The following HDGFL2 variants were observed in gnomAD, a reference collection of about 807,000 sequenced individuals.
HDGFL2 encodes hepatoma-derived growth factor-related protein 2.
In HDGFL2, 36 loss-of-function variants were observed where a neutral mutation model predicts 77.1. That is an observed-to-expected ratio of 0.47 (90% confidence interval 0.36 to 0.62). The LOEUF (loss-of-function observed/expected upper bound fraction) is 0.62. HDGFL2 is among the 20% of genes least tolerant of loss of function. HDGFL2 has a pLI of 0.00. For synonymous variants in HDGFL2, 463 were observed against 413.1 expected, an observed-to-expected ratio of 1.12 and a Z score of -1.46; for missense variants, 976 against 973.4, an observed-to-expected ratio of 1.00 and a Z score of -0.04.
chr19:4,498,131 T>A, intron 11 of HDGFL2, 100 bp downstream of exon 11: 1 of 1,251,942 alleles, frequency 8.0e-7, no homozygotes, highest in Non-Finnish European at 1.1e-6. Context: ...CTAGAGAGGG[T>A]GCTCAGCACA....
intron 7 of HDGFL2, 44 bp downstream of exon 7, chr19:4,493,906 G>C: frequency 6.6e-7 from 1 of 1,520,352 alleles, no homozygotes; most frequent in Non-Finnish European, 8.9e-7. Context: ...GGCCCCTGCC[G>C]GGGCGCTCCC....
chr19:4,490,863 G>A (rs1975488218), intron 4 of HDGFL2, among the ~76,000 whole-genome samples: 1 of 151,322 alleles, frequency 6.6e-6, no homozygotes, highest in Non-Finnish European at 1.5e-5. Flanking sequence ...CCAGGCTGGA[G>A]TGTGATGGCG....
intron 3 of HDGFL2, among the ~76,000 whole-genome samples, chr19:4,487,599 C>T (rs1156353124): frequency 6.6e-6 from 1 of 152,182 alleles, no homozygotes; most frequent in Non-Finnish European, 1.5e-5. Context: ...TTTCTTCCTG[C>T]CTGTCACCAC....
rs753513110 is a variant in HDGFL2 at position 4,488,664 on chromosome 19, C to T, written c.289-12C>T. The T allele has an allele frequency of 4.7e-5, 73 of 1,538,310 alleles. No individual in the cohort carries two copies. Among genetic ancestry groups the T allele is most frequent in the Admixed American group, 5.9e-5 (3 of 50,924 alleles). ...TGGTGGTGACGCGCGTTCTCTGCCC[C>T]GACTCCCACAGCCAGTGAGCTCCTC... On this transcript the variant is annotated splice_polypyrimidine_tract_variant and intron_variant, in intron 3 of 15. Coordinates refer to ENST00000616600, the MANE Select transcript of HDGFL2 (RefSeq NM_001001520.3).
intron 3 of HDGFL2, among the ~76,000 whole-genome samples, chr19:4,484,423 C>T (rs542480691): frequency 2.8e-4 from 43 of 152,150 alleles, no homozygotes; most frequent in Middle Eastern, 3.4e-3. Context: ...GATAACTTCA[C>T]CATTTTAATC....
chr19:4,474,368 A>G (rs1262509512), intron 1 of HDGFL2, among the ~76,000 whole-genome samples: 1 of 152,010 alleles, frequency 6.6e-6, no homozygotes, highest in African/African-American at 2.4e-5. Context: ...CCTCGGGTGG[A>G]CTGAATTTAG....
chr19:4,501,200 C>A lies in HDGFL2; in HGVS notation c.1799C>A (p.Ala600Asp). 6.2e-7 allele frequency: 1 copy of A among 1,613,342 alleles called. No individual in the cohort carries two copies. Among genetic ancestry groups the A allele is most frequent in the Non-Finnish European group, 8.5e-7 (1 of 1,179,892 alleles). Residue 600 changes from alanine (A) to aspartate (D), a missense_variant, in exon 15 of 16, where the codon GCC becomes GAC. By Grantham distance (126) the Ala-to-Asp change is moderately radical. This residue lies in a region of HDGFL2 where 229 missense variants were observed against 187.3 expected (regional missense o/e 1.22). Transcript: ENST00000616600. The stretch of plus-strand genomic sequence containing the variant: ...CCTCTGTCCCACCCAGATCTCTCAG[C>A]CCCAGTGAATGGCGAGGCCACATCA... ...AEDKPSTDLSAPVNGEATSQK... is the reference protein window; with the variant it reads ...AEDKPSTDLSDPVNGEATSQK...
chr19:4,493,804 CT>C lies in HDGFL2; in HGVS notation c.781del (p.Ser261ProfsTer10). On this transcript the variant is annotated frameshift_variant, in exon 7 of 16. Coordinates refer to ENST00000616600, the MANE Select transcript of HDGFL2 (RefSeq NM_001001520.3). LOFTEE classifies it high-confidence loss of function. Reference protein sequence around the residue: ...ARSASSSSSSSSSSDSDVSVK... With the variant: ...ARSASSSSSSXSSSDSDVSVK... ...GGTCGGCGTCCTCCTCCTCCTCTTC[CT>C]CCTCCTCCTCCGACTCCGATGTGTC... 1 of 1,481,898 alleles carries C rather than the reference CT, an allele frequency of 6.7e-7. No individual in the cohort carries two copies. The highest frequency in any genetic ancestry group is 9.1e-7 in the Non-Finnish European group (1 of 1,101,610). The allele number at this position is 1,481,898 out of a possible 1,614,324, so 91.8% of individuals were successfully genotyped here. A position where few individuals can be genotyped will look rare whatever the true frequency, so the allele number is the denominator to read the frequency against.
intron 6 of HDGFL2, among the ~76,000 whole-genome samples, chr19:4,492,208 CGT>C (rs913786759): frequency 6.6e-6 from 1 of 151,870 alleles, no homozygotes; most frequent in Non-Finnish European, 1.5e-5. Flanking sequence ...TCTCTGTGCA[CGT>C]GTGTCGACGT....
intron 6 of HDGFL2, among the ~76,000 whole-genome samples, chr19:4,492,663 GTGTC>G (rs1313985661): frequency 7.3e-5 from 11 of 151,568 alleles, no homozygotes; most frequent in Non-Finnish European, 1.5e-4. Flanking sequence ...TGTGGTGTGT[GTGTC>G]TGGTATGTGT....
At chr19:4,490,740 T>C (rs563691116) in intron 4 of HDGFL2, among the ~76,000 whole-genome samples, 46 of 152,224 alleles carry the variant, frequency 3.0e-4, no homozygotes, top group East Asian at 3.9e-4. Context: ...ACAGAGAGAA[T>C]TTGGAAAAAA....
chr19:4,489,702 T>TG (rs1429520780), intron 4 of HDGFL2, among the ~76,000 whole-genome samples: 1 of 152,170 alleles, frequency 6.6e-6, no homozygotes, highest in East Asian at 1.9e-4. Flanking sequence ...GTGCCTGGCC[T>TG]GGTCCCTTTC....
intron 12 of HDGFL2, among the ~76,000 whole-genome samples, 158 bp downstream of exon 12, chr19:4,498,534 C>G (rs576321927): frequency 6.6e-6 from 1 of 152,320 alleles, no homozygotes; most frequent in South Asian, 2.1e-4. Flanking sequence ...GGTCTCCTGG[C>G]CAAGGGCCCT....
intron 1 of HDGFL2, among the ~76,000 whole-genome samples, chr19:4,473,566 GC>G (rs1974998343): frequency 6.6e-6 from 1 of 151,740 alleles, no homozygotes; most frequent in South Asian, 2.1e-4. Context: ...TCCTGGAGAA[GC>G]CCAGTTTTGA....
At chr19:4,474,985 C>T (rs1220099647) in intron 1 of HDGFL2, 4 of 387,018 alleles carry the variant, frequency 1.0e-5, no homozygotes, top group Non-Finnish European at 1.9e-5. Context: ...CTGAGCTTGG[C>T]CCCACCCCCT....
intron 1 of HDGFL2, among the ~76,000 whole-genome samples, chr19:4,473,201 C>T (rs1238754640): frequency 9.5e-5 from 13 of 137,214 alleles, no homozygotes; most frequent in African/African-American, 3.4e-4. Flanking sequence ...GGAGCTGCGC[C>T]GTGGGGATCT....
At chr19:4,500,630 T>C (rs1222237522) in intron 14 of HDGFL2, among the ~76,000 whole-genome samples, 2 of 151,974 alleles carry the variant, frequency 1.3e-5, no homozygotes, top group Non-Finnish European at 2.9e-5. Flanking sequence ...CAGGCTAATA[T>C]TTTGTATTTT....
Position 4,498,311 on chromosome 19 carries a change from T to A in HDGFL2, c.1408T>A (p.Ser470Thr). Residue 470 changes from serine (S) to threonine (T), a missense_variant, in exon 12 of 16, where the codon TCC becomes ACC. This residue lies in a region of HDGFL2 where 567 missense variants were observed against 534.7 expected (regional missense o/e 1.06). Transcript: ENST00000616600. ...DRKVEKKKEP[S>T]VEEKLQKLHS... is the part of the protein sequence containing the mutation. ...TGCTCTCTCTCCTGGCCCAGAGCCC[T>A]CCGTGGAGGAGAAGCTGCAGAAGCT... 1.9e-6 allele frequency: 3 copies of A among 1,613,360 alleles called. No homozygotes were observed. Among genetic ancestry groups the A allele is most frequent in the Middle Eastern group, 1.7e-4 (1 of 5,968 alleles).
chr19:4,485,374 CTATTGTT>C (rs1261969665), intron 3 of HDGFL2, among the ~76,000 whole-genome samples: 6 of 152,152 alleles, frequency 3.9e-5, no homozygotes, highest in African/African-American at 1.4e-4. Flanking sequence ...ATATTCTATC[CTATTGTT>C]ATACCACGTT....
Sources: allele counts gnomAD v4.1 joint callset (sites outside exome capture counted in the v4.1 genomes callset), GRCh38; gene constraint gnomAD v4.1.1; regional missense constraint gnomAD v4.1.1; transcripts MANE v1.5; gene names NCBI Gene and HGNC (gene_info 2026-07-23, HGNC 2026-07-21).